The following ACSM5 variants were observed in gnomAD, a reference collection of about 807,000 sequenced individuals.
ACSM5 encodes the protein acyl-CoA synthetase medium chain family member 5.
Under a neutral mutation model 71.6 loss-of-function variants are expected in ACSM5, and 56 were observed. The observed-to-expected ratio is 0.78, with a 90% CI of 0.63 to 0.98. The LOEUF is 0.98. Among genes scored for constraint, ACSM5 ranks in the 50% least tolerant of loss-of-function variants. ACSM5 has a pLI of 0.00. For missense variants in ACSM5, 723 were observed against 726.0 expected (o/e 1.00, Z 0.05); for synonymous variants, 285 against 281.5 (o/e 1.01, Z -0.12).
In ACSM5 at chr16:20,430,535, G is replaced by GGGAAGAAAATA. The variant is rs1279458663; in HGVS notation, c.1126-447_1126-437dup. Among the ~76,000 whole-genome samples, 825 of 150,904 alleles carry GGGAAGAAAATA rather than the reference G, an allele frequency of 5.5e-3. 4 individuals are homozygous for GGGAAGAAAATA. Among genetic ancestry groups the GGGAAGAAAATA allele is most frequent in the African/African-American group, 0.019 (788 of 40,984 alleles). On this transcript the variant is annotated intron_variant, in intron 8 of 13. Coordinates refer to ENST00000331849, the MANE Select transcript of ACSM5 (RefSeq NM_017888.3). ...AAAGAAGAAAGACAGGCAAGAAAGA[G>GGGAAGAAAATA]GGAAGAAAATAGGAAGAAAATGAAG...
chr16:20,419,852 T>C (rs189714625), intron 4 of ACSM5: 147 of 240,816 alleles, frequency 6.1e-4, no homozygotes, highest in African/African-American at 3.3e-3. Flanking sequence ...GAAGATTTAA[T>C]GAACATCTAT....
intron 4 of ACSM5, 110 bp downstream of exon 4, chr16:20,419,545 G>A (rs34498396): frequency 0.037 from 40,305 of 1,094,702 alleles, 920 homozygotes; most frequent in South Asian, 0.066. Flanking sequence ...TCAGAGAGGA[G>A]CACTCCCATT....
At chr16:20,412,821 G>C (rs1408479487) in intron 2 of ACSM5, among the ~76,000 whole-genome samples, 2 of 152,178 alleles carry the variant, frequency 1.3e-5, no homozygotes, top group Admixed American at 6.6e-5. Context: ...TCAAAGAATT[G>C]TATTCATGTT....
rs1335586295 is a variant in ACSM5, at chr16:20,441,126, C to T, written c.*699C>T. 2 of 151,972 alleles carry T rather than the reference C, an allele frequency of 1.3e-5. No homozygotes were observed. Among genetic ancestry groups the T allele is most frequent in the East Asian group, 1.9e-4 (1 of 5,194 alleles). The allele number at this position is 151,972 out of a possible 1,614,324, so 9.4% of individuals were successfully genotyped here. ...GCTATATTAATTTTAAAAATCAGAGCAAAAATATTCATACTGGAGAATCCC... is the reference window on the plus strand; with the variant it reads ...GCTATATTAATTTTAAAAATCAGAGTAAAAATATTCATACTGGAGAATCCC... On this transcript the variant is annotated 3_prime_UTR_variant, in exon 14 of 14. Transcript: ENST00000331849.
At chr16:20,431,884 G>T (rs1967106445) in intron 10 of ACSM5, among the ~76,000 whole-genome samples, 1 of 151,880 alleles carries the variant, frequency 6.6e-6, no homozygotes, top group African/African-American at 2.4e-5. Context: ...CAGGGAGGTT[G>T]CCGTGAGCCA....
chr16:20,430,244 A>T (rs1967068544), intron 8 of ACSM5, among the ~76,000 whole-genome samples: 1 of 151,278 alleles, frequency 6.6e-6, no homozygotes, highest in African/African-American at 2.4e-5. Context: ...CACTACTTAT[A>T]AATTAAAAAA....
chr16:20,418,964 C>T (rs1023783521), intron 3 of ACSM5, among the ~76,000 whole-genome samples: 1 of 152,122 alleles, frequency 6.6e-6, no homozygotes, highest in Non-Finnish European at 1.5e-5. Context: ...GAAACATTAT[C>T]TTCTTAGAAT....
intron 10 of ACSM5, among the ~76,000 whole-genome samples, chr16:20,434,057 C>T (rs1967149743): frequency 6.6e-6 from 1 of 152,098 alleles, no homozygotes; most frequent in African/African-American, 2.4e-5. Context: ...TTGGTTGTAG[C>T]TTATCTTTTC....
intron 6 of ACSM5, among the ~76,000 whole-genome samples, chr16:20,424,438 G>T (rs1966937804): frequency 6.6e-6 from 1 of 152,102 alleles, no homozygotes; most frequent in Admixed American, 6.6e-5. Flanking sequence ...TGAGTAGTTG[G>T]CCCAACTAGA....
In ACSM5 at chr16:20,418,134, G is replaced by A. The variant is rs1966861570; in HGVS notation, c.280G>A (p.Glu94Lys). The A allele has an allele frequency of 1.2e-6, 2 of 1,613,732 alleles. No individual in the cohort carries two copies. Among genetic ancestry groups the A allele is most frequent in the Non-Finnish European group, 1.7e-6 (2 of 1,179,972 alleles). The stretch of plus-strand genomic sequence containing the variant: ...AGCAGAGATCAAGTGGAGCTTTGAG[G>A]AGCTGGGGAAGCAGTCCAGGAAGGC... The part of the protein sequence containing the change: ...TGAEIKWSFE[E>K]LGKQSRKAAN... Residue 94 changes from glutamate to lysine, a missense_variant, in exon 3 of 14, where the codon GAG becomes AAG. Transcript: ENST00000331849.
chr16:20,431,181 ACACT>A (rs772224450), intron 9 of ACSM5, 35 bp from the exon 10 acceptor site: 4 of 1,601,502 alleles, frequency 2.5e-6, no homozygotes. Flanking sequence ...CAGGGTGTAG[ACACT>A]CACGTATGCA....
chr16:20,419,489 C>A (rs1966868970), intron 4 of ACSM5, 54 bp downstream of exon 4: 1 of 1,553,544 alleles, frequency 6.4e-7, no homozygotes, highest in African/African-American at 1.4e-5. Context: ...CCCCTTTAAG[C>A]AACAAAAGAT....
intron 12 of ACSM5, among the ~76,000 whole-genome samples, chr16:20,438,025 C>G (rs2141663064): frequency 6.6e-6 from 1 of 152,022 alleles, no homozygotes; most frequent in East Asian, 1.9e-4. Flanking sequence ...AGGGTTTTGC[C>G]TTGTTGGCCA....
chr16:20,417,161 TAG>T (rs1966858310), intron 2 of ACSM5, among the ~76,000 whole-genome samples: 2 of 152,026 alleles, frequency 1.3e-5, no homozygotes, highest in African/African-American at 4.8e-5. Flanking sequence ...AAAGTTAACA[TAG>T]AGTTATTATA....
At chr16:20,417,082 C>T (rs779745611) in intron 2 of ACSM5, among the ~76,000 whole-genome samples, 4 of 150,748 alleles carry the variant, frequency 2.7e-5, no homozygotes, top group African/African-American at 7.3e-5. Context: ...GAATTAGAAC[C>T]CTCAGACATG....
At chr16:20,420,286 C>T (rs1223148305) in intron 4 of ACSM5, among the ~76,000 whole-genome samples, 1 of 152,130 alleles carries the variant, frequency 6.6e-6, no homozygotes, top group African/African-American at 2.4e-5. Context: ...AGCAAGAGCC[C>T]TGGGGATCTT....
intron 10 of ACSM5, among the ~76,000 whole-genome samples, chr16:20,434,762 C>A (rs538398997): frequency 6.6e-6 from 1 of 152,130 alleles, no homozygotes; most frequent in Non-Finnish European, 1.5e-5. Context: ...CTTGTATTTC[C>A]TTGATCACTT....
At chr16:20,429,156 A>G (rs1286881781) in intron 7 of ACSM5, among the ~76,000 whole-genome samples, 2 of 152,046 alleles carry the variant, frequency 1.3e-5, no homozygotes, top group Non-Finnish European at 2.9e-5. Flanking sequence ...GACTACAGGC[A>G]TGTGCCACCA....
intron 3 of ACSM5, 60 bp from the exon 4 acceptor site, chr16:20,419,168 A>T: frequency 3.9e-6 from 6 of 1,535,032 alleles, no homozygotes; most frequent in Non-Finnish European, 5.4e-6. Context: ...TTCATCTCTT[A>T]CCTCTATACC....
Sources: allele counts gnomAD v4.1 joint callset (sites outside exome capture counted in the v4.1 genomes callset), GRCh38; gene constraint gnomAD v4.1.1; transcripts MANE v1.5; gene names NCBI Gene and HGNC (gene_info 2026-07-23, HGNC 2026-07-21).